Variants in ZNF585A observed in about 807,000 individuals in gnomAD.
ZNF585A encodes the protein zinc finger protein 585A.
In ZNF585A, 9 loss-of-function variants were observed where a neutral mutation model predicts 14.9. The ratio of observed to expected loss-of-function variants is 0.60; its 90% CI spans 0.36 to 1.05. The LOEUF (loss-of-function observed/expected upper bound fraction) is 1.05. ZNF585A is among the 50% of genes least tolerant of loss of function. The pLI, the probability that ZNF585A is intolerant of heterozygous loss-of-function variation, is 0.01. For synonymous variants in ZNF585A, 276 were observed against 319.9 expected (o/e 0.86, Z 1.46); for missense variants, 726 against 926.4 (o/e 0.78, Z 2.81).
chr19:37,160,386 ATAAC>A (rs1175900052), intron 2 of ZNF585A, among the ~76,000 whole-genome samples: 2 of 148,976 alleles, frequency 1.3e-5, no homozygotes, highest in East Asian at 1.9e-4. Flanking sequence ...AAATAAATAA[ATAAC>A]TAGAAAAAGA....
At position 37,147,983 on chromosome 19, in the gene ZNF585A, G is replaced by C. The variant is rs531441267; in HGVS notation, c.*3606C>G. 5 of 152,300 alleles carry C rather than the reference G, an allele frequency of 3.3e-5. No individual in the cohort carries two copies. The South Asian group carries it at 1.0e-3, about 32-fold the overall frequency. 9.4% of individuals were successfully genotyped at this position (152,300 alleles called of 1,614,324 possible). A position where few individuals can be genotyped will look rare whatever the true frequency, so the allele number is the denominator to read the frequency against. On this transcript the variant is annotated 3_prime_UTR_variant, in exon 5 of 5. Coordinates refer to ENST00000292841, the MANE Select transcript of ZNF585A (RefSeq NM_001288800.2). ...AATTATACAATTGCTGTGAACATCT[G>C]AGTATAGGTTTTCATGTAAACAGAA...
chr19:37,161,851 C>T (rs368894551), intron 2 of ZNF585A, among the ~76,000 whole-genome samples: 2 of 152,094 alleles, frequency 1.3e-5, no homozygotes, highest in Non-Finnish European at 2.9e-5. Context: ...GGAGAGTGCA[C>T]GAGCACACAG....
intron 4 of ZNF585A, among the ~76,000 whole-genome samples, chr19:37,154,491 T>C (rs1355952363): frequency 4.6e-5 from 7 of 152,130 alleles, no homozygotes; most frequent in Admixed American, 2.6e-4. Flanking sequence ...CTGAAGACTA[T>C]GATTAAACTC....
intron 2 of ZNF585A, among the ~76,000 whole-genome samples, chr19:37,169,373 C>A (rs1972144902): frequency 1.6e-5 from 2 of 124,064 alleles, no homozygotes; most frequent in East Asian, 2.3e-4. Context: ...AAGAGAGCAG[C>A]AAAGAAATAG....
chr19:37,153,144 G>A lies in ZNF585A; in HGVS notation c.755C>T (p.Thr252Ile). The change falls in exon 5 of 5, where the codon ACA becomes ATA. Residue 252 changes from threonine (T) to isoleucine (I), a missense_variant. Around this residue, in one of 2 missense-constraint regions of ZNF585A, gnomAD observed 483 missense variants for 542.8 expected, o/e 0.89. Transcript: ENST00000292841. The stretch of plus-strand genomic sequence containing the variant: ...ATGCATCTTGAGTGTGGACTTTTGT[G>A]TGAATGCTTTGCCACAGTCAGTGCA... The part of the protein sequence containing the change: ...HECTDCGKAF[T>I]QKSTLKMHQK... The A allele has an allele frequency of 1.9e-6, 3 of 1,614,114 alleles. No homozygotes were observed. Among genetic ancestry groups the A allele is most frequent in the Non-Finnish European group, 2.5e-6 (3 of 1,180,022 alleles).
At chr19:37,154,540 AAAC>A (rs757925236) in intron 4 of ZNF585A, among the ~76,000 whole-genome samples, 56 of 152,304 alleles carry the variant, frequency 3.7e-4, no homozygotes, top group Non-Finnish European at 7.1e-4. Context: ...AAGCAATCAA[AAAC>A]AACAACAAAA....
chr19:37,156,155 A>T, intron 3 of ZNF585A, 74 bp downstream of exon 3: 2 of 1,588,718 alleles, frequency 1.3e-6, no homozygotes, highest in Non-Finnish European at 8.6e-7. Context: ...TAAGATGCGG[A>T]CAGCATTCAC....
At chr19:37,161,276 A>G (rs752108240) in intron 2 of ZNF585A, among the ~76,000 whole-genome samples, 2 of 152,224 alleles carry the variant, frequency 1.3e-5, no homozygotes, top group East Asian at 3.8e-4. Context: ...CACTAAAAAG[A>G]ATCACGTACC....
intron 2 of ZNF585A, among the ~76,000 whole-genome samples, chr19:37,159,774 T>C (rs531323212): frequency 3.6e-4 from 55 of 151,814 alleles, no homozygotes; most frequent in Non-Finnish European, 6.3e-4. Context: ...AATTAAAAAA[T>C]AACAAACAAA....
At chr19:37,169,763 A>T (rs1972151793) in intron 2 of ZNF585A, 76 bp downstream of exon 2, 1 of 1,568,472 alleles carries the variant, frequency 6.4e-7, no homozygotes, top group Admixed American at 1.7e-5. Flanking sequence ...TCCCTCAGTC[A>T]TGAGGTTCTA....
chr19:37,169,200 T>C (rs1972142849), intron 2 of ZNF585A, among the ~76,000 whole-genome samples: 1 of 151,944 alleles, frequency 6.6e-6, no homozygotes, highest in African/African-American at 2.4e-5. Context: ...GCATAAGAAA[T>C]AAAATTATAC....
intron 2 of ZNF585A, 145 bp from the exon 3 acceptor site, chr19:37,156,500 T>C: frequency 8.6e-7 from 1 of 1,157,184 alleles, no homozygotes. Context: ...AATACTTTAT[T>C]ATGAAAATTT....
intron 2 of ZNF585A, chr19:37,165,748 A>G: frequency 1.4e-6 from 1 of 712,838 alleles, no homozygotes; most frequent in Non-Finnish European, 1.7e-6. Flanking sequence ...ATAATTTTAA[A>G]TATTATTCTT....
chr19:37,155,697 A>T (rs1413442671), intron 4 of ZNF585A, among the ~76,000 whole-genome samples, 168 bp downstream of exon 4: 1 of 152,048 alleles, frequency 6.6e-6, no homozygotes, highest in Non-Finnish European at 1.5e-5. Flanking sequence ...ATCCAGGGAG[A>T]ATGCATTTAG....
chr19:37,171,060 A>G (rs1208635279), intron 1 of ZNF585A, among the ~76,000 whole-genome samples: 1 of 152,256 alleles, frequency 6.6e-6, no homozygotes, highest in African/African-American at 2.4e-5. Context: ...AATGGCAGTG[A>G]TATAATGCAG....
In ZNF585A at chr19:37,153,426, T is replaced by C. The variant is rs367893624; in HGVS notation, c.473A>G (p.Tyr158Cys). Residue 158 changes from tyrosine to cysteine, a missense_variant, in exon 5 of 5, where the codon TAT becomes TGT. Tyr to Cys is a radical substitution (Grantham distance 194, BLOSUM62 -2). Transcript: ENST00000292841. ...AGCCTTCCCACATTCAATGCATACATAGAGCTTTTCTCCTGCAAGAACTTT... is the reference window on the plus strand; with the variant it reads ...AGCCTTCCCACATTCAATGCATACACAGAGCTTTTCTCCTGCAAGAACTTT... The part of the protein sequence containing the change: ...HLKVLAGEKL[Y>C]VCIECGKAFV... 2.8e-5 allele frequency: 45 copies of C among 1,614,076 alleles called. No individual in the cohort carries two copies. Among genetic ancestry groups the C allele is most frequent in the Middle Eastern group, 3.3e-4 (2 of 6,084 alleles).
chr19:37,151,114 A>AAAACAACACCCAGG lies in ZNF585A; in HGVS notation c.*474_*475insCCTGGGTGTTGTTT. 2.7e-6 allele frequency: 1 copy of AAAACAACACCCAGG among 375,014 alleles called. No homozygotes were observed. Among genetic ancestry groups the AAAACAACACCCAGG allele is most frequent in the South Asian group, 1.4e-4 (1 of 6,926 alleles). The allele number at this position is 375,014 out of a possible 1,614,324, so 23.2% of individuals were successfully genotyped here. A position where few individuals can be genotyped will look rare whatever the true frequency, so the allele number is the denominator to read the frequency against. On this transcript the variant is annotated 3_prime_UTR_variant, in exon 5 of 5. Transcript: ENST00000292841. ...CTGTGGTAGATTCGAATGAGAAAGA[A>AAAACAACACCCAGG]AAACACCCAGGAGTCTGTTACACAA...
At chr19:37,169,660 T>C (rs1222467997) in intron 2 of ZNF585A, among the ~76,000 whole-genome samples, 179 bp downstream of exon 2, 1 of 152,156 alleles carries the variant, frequency 6.6e-6, no homozygotes, top group East Asian at 1.9e-4. Flanking sequence ...ACGAAGACAT[T>C]ACCCACATGT....
In ZNF585A at chr19:37,169,978, G is replaced by A; in HGVS notation, c.-68C>T. 1 of 1,560,796 alleles carries A rather than the reference G, an allele frequency of 6.4e-7. No homozygotes were observed. The highest frequency in any genetic ancestry group is 1.7e-4 in the Middle Eastern group (1 of 6,006). On this transcript the variant is annotated 5_prime_UTR_variant, in exon 2 of 5. Transcript: ENST00000292841. ...GCTTGGCAGTCATCTGTGAACTCAAGCAGAGCTGCTCTGAAGAGATGGGCT... is the reference window on the plus strand; with the variant it reads ...GCTTGGCAGTCATCTGTGAACTCAAACAGAGCTGCTCTGAAGAGATGGGCT...
Sources: gnomAD v4.1 joint callset for allele counts (sites outside exome capture counted in the v4.1 genomes callset) on GRCh38, gnomAD v4.1.1 for gene constraint, gnomAD v4.1.1 regional missense constraint, MANE v1.5 for transcripts, NCBI Gene and HGNC (gene_info 2026-07-23, HGNC 2026-07-21) for gene names.